Variants in SOX5 observed in about 807,000 individuals in gnomAD.
SOX5 encodes transcription factor SOX-5.
SOX5 carries 9 observed loss-of-function variants against 92.0 expected under a neutral mutation model. The ratio of observed to expected loss-of-function variants is 0.10; its 90% confidence interval spans 0.06 to 0.17. The LOEUF (loss-of-function observed/expected upper bound fraction) is 0.17. Among genes scored for constraint, SOX5 ranks in the 10% least tolerant of loss-of-function variants. The probability of loss-of-function intolerance (pLI) is 1.00; values close to 1 mark genes in which losing one functional copy is unlikely to be tolerated. For synonymous variants in SOX5, 344 were observed against 336.3 expected, an observed-to-expected ratio of 1.02 and a Z score of -0.25; for missense variants, 642 against 944.5, an observed-to-expected ratio of 0.68 and a Z score of 4.20.
intron 4 of SOX5, among the ~76,000 whole-genome samples, chr12:24,018,925 A>T (rs4963735): frequency 0.45 from 68,402 of 152,144 alleles, 15,958 homozygotes; most frequent in East Asian, 0.7. Flanking sequence ...CCTTCACACA[A>T]AATTCTTATT....
At chr12:24,070,630 A>G (rs139391983) in intron 4 of SOX5, among the ~76,000 whole-genome samples, 20 of 152,272 alleles carry the variant, frequency 1.3e-4, no homozygotes, top group African/African-American at 4.8e-4. Flanking sequence ...TAACCATGCC[A>G]TTAGAAAAAT....
intron 1 of SOX5, among the ~76,000 whole-genome samples, chr12:24,502,624 A>G (rs979893525): frequency 2.0e-5 from 3 of 152,214 alleles, no homozygotes; most frequent in African/African-American, 7.2e-5. Context: ...ACTGCAAGCA[A>G]CATCTACCAA....
At chr12:23,586,801 G>T in intron 9 of SOX5, among the ~76,000 whole-genome samples, 1 of 151,392 alleles carries the variant, frequency 6.6e-6, no homozygotes. Flanking sequence ...ATTCATCAAA[G>T]CAATTATTTG....
At chr12:23,957,405 T>G (rs186315997) in intron 4 of SOX5, among the ~76,000 whole-genome samples, 1 of 152,348 alleles carries the variant, frequency 6.6e-6, no homozygotes, top group East Asian at 1.9e-4. Flanking sequence ...TAGCATTACT[T>G]AATTCAGTGA....
intron 9 of SOX5, among the ~76,000 whole-genome samples, chr12:23,597,540 T>C (rs528225733): frequency 1.3e-5 from 2 of 152,272 alleles, no homozygotes; most frequent in African/African-American, 4.8e-5. Context: ...CTTATTTCCA[T>C]GTAGCAACAC....
rs115041534 is a variant in SOX5 at position 23,571,836 on chromosome 12, G to A, written c.1342+3825C>T. ...GTGTTCCCTATCTGCTAAATAACAA[G>A]CTTTGACTAGATTATATGGATATCT... On this transcript the variant is annotated intron_variant, in intron 10 of 14. Coordinates refer to ENST00000451604, the MANE Select transcript of SOX5 (RefSeq NM_006940.6). 6.3e-3 allele frequency among the ~76,000 whole-genome samples: 955 copies of A among 152,076 alleles called. 4 individuals carry two copies. Among genetic ancestry groups the A allele is most frequent in the African/African-American group, 0.022 (910 of 41,482 alleles).
intron 4 of SOX5, among the ~76,000 whole-genome samples, chr12:24,128,084 G>T (rs1949285535): frequency 2.0e-5 from 3 of 152,170 alleles, no homozygotes. Flanking sequence ...AACTTCACTG[G>T]AGGGTTTATT....
At chr12:23,684,217 TG>T (rs1379221907) in intron 6 of SOX5, among the ~76,000 whole-genome samples, 19 of 152,060 alleles carry the variant, frequency 1.2e-4, no homozygotes. Flanking sequence ...CTTGTGGTTT[TG>T]GTAAGTCTTC....
chr12:23,617,469 C>T (rs529556792), intron 8 of SOX5, among the ~76,000 whole-genome samples: 6 of 152,128 alleles, frequency 3.9e-5, no homozygotes, highest in Non-Finnish European at 7.4e-5. Context: ...AAGCTGCTAT[C>T]ACCAAATATT....
At chr12:24,270,184 C>G (rs1348110791) in intron 3 of SOX5, among the ~76,000 whole-genome samples, 1 of 152,054 alleles carries the variant, frequency 6.6e-6, no homozygotes, top group African/African-American at 2.4e-5. Context: ...CCTTAGCCTC[C>G]CGAGTGGCTG....
intron 3 of SOX5, among the ~76,000 whole-genome samples, chr12:24,223,025 C>T (rs35125885): frequency 0.34 from 52,076 of 152,058 alleles, 9,519 homozygotes; most frequent in East Asian, 0.72. Context: ...CTGGTCAATA[C>T]ATGTGACCTT....
intron 2 of SOX5, among the ~76,000 whole-genome samples, chr12:23,886,759 G>T (rs929002614): frequency 5.9e-5 from 9 of 152,016 alleles, no homozygotes; most frequent in African/African-American, 1.9e-4. Context: ...AAGACAAAAA[G>T]ATTTTAGTTA....
At chr12:24,500,518 CAA>C (rs1201821840) in intron 1 of SOX5, among the ~76,000 whole-genome samples, 1 of 152,064 alleles carries the variant, frequency 6.6e-6, no homozygotes, top group Non-Finnish European at 1.5e-5. Flanking sequence ...AAACACACCC[CAA>C]AAGAGTTTTG....
At chr12:24,376,294 T>A (rs1341476136) in intron 1 of SOX5, among the ~76,000 whole-genome samples, 1 of 152,212 alleles carries the variant, frequency 6.6e-6, no homozygotes, top group Non-Finnish European at 1.5e-5. Flanking sequence ...CCATGGGCCT[T>A]ATTCTCTGGG....
intron 3 of SOX5, among the ~76,000 whole-genome samples, chr12:23,840,775 A>G (rs1430595660): frequency 1.3e-5 from 2 of 152,286 alleles, no homozygotes; most frequent in Non-Finnish European, 2.9e-5. Context: ...TTGGACTTCT[A>G]TATGCAAAAC....
chr12:24,290,679 C>G (rs993310784), intron 2 of SOX5, among the ~76,000 whole-genome samples: 3 of 152,134 alleles, frequency 2.0e-5, no homozygotes, highest in Non-Finnish European at 2.9e-5. Flanking sequence ...AAGGCATGGT[C>G]CCTGCTCCTG....
At chr12:24,111,685 A>G (rs1170851285) in intron 4 of SOX5, among the ~76,000 whole-genome samples, 1 of 152,078 alleles carries the variant, frequency 6.6e-6, no homozygotes, top group Non-Finnish European at 1.5e-5. Flanking sequence ...TTAAAAAAAG[A>G]TTTTTCGTCA....
intron 10 of SOX5, among the ~76,000 whole-genome samples, chr12:23,575,361 A>G (rs1199779034): frequency 6.6e-6 from 1 of 152,248 alleles, no homozygotes; most frequent in African/African-American, 2.4e-5. Flanking sequence ...TAACAATAAC[A>G]TTCTGGAACC....
intron 2 of SOX5, among the ~76,000 whole-genome samples, chr12:24,367,564 G>C (rs1956295272): frequency 6.6e-6 from 1 of 152,046 alleles, no homozygotes; most frequent in Non-Finnish European, 1.5e-5. Context: ...GAAACCAAGA[G>C]GTTCATTCAA....
Sources: gnomAD v4.1 joint callset for allele counts (sites outside exome capture counted in the v4.1 genomes callset) on GRCh38, gnomAD v4.1.1 for gene constraint, MANE v1.5 for transcripts, NCBI Gene and HGNC (gene_info 2026-07-23, HGNC 2026-07-21) for gene names.